Variants in PHF2 observed in about 807,000 individuals in gnomAD.
PHF2 encodes the protein lysine-specific demethylase PHF2.
A neutral mutation model predicts 120.5 loss-of-function variants in PHF2; 27 were observed. The ratio of observed to expected loss-of-function variants is 0.22; its 90% CI spans 0.17 to 0.31. The LOEUF (loss-of-function observed/expected upper bound fraction) is 0.31, where lower values mean the gene tolerates loss of function less well. Among genes scored for constraint, PHF2 ranks in the 10% least tolerant of loss-of-function variants. The pLI, the probability that PHF2 is intolerant of heterozygous loss-of-function variation, is 1.00. For missense variants in PHF2, 1,024 were observed against 1,434.8 expected (o/e 0.71, Z 4.63); for synonymous variants, 568 against 592.5 (o/e 0.96, Z 0.60).
intron 1 of PHF2, among the ~76,000 whole-genome samples, chr9:93,617,223 A>G (rs9409478): frequency 0.9 from 137,519 of 152,218 alleles, 62,187 homozygotes; most frequent in East Asian, 1. Flanking sequence ...AAGTCCTCAT[A>G]GGAGGCTGCA....
At chr9:93,579,630 A>G (rs955307694) in intron 1 of PHF2, among the ~76,000 whole-genome samples, 4 of 152,252 alleles carry the variant, frequency 2.6e-5, no homozygotes, top group Non-Finnish European at 2.9e-5. Flanking sequence ...CCTGAAATAA[A>G]ACATTACTGT....
At chr9:93,668,536 G>A (rs1826723988) in intron 17 of PHF2, among the ~76,000 whole-genome samples, 1 of 152,172 alleles carries the variant, frequency 6.6e-6, no homozygotes, top group Non-Finnish European at 1.5e-5. Context: ...CACCCAAGAT[G>A]AGGGCAGACA....
chr9:93,578,108 A>G (rs1365781523), intron 1 of PHF2, among the ~76,000 whole-genome samples: 1 of 152,202 alleles, frequency 6.6e-6, no homozygotes, highest in Non-Finnish European at 1.5e-5. Context: ...CTGTGGCCCC[A>G]AGTCCAGTCC....
intron 1 of PHF2, among the ~76,000 whole-genome samples, chr9:93,616,554 C>T (rs1825732322): frequency 6.6e-6 from 1 of 152,158 alleles, no homozygotes; most frequent in African/African-American, 2.4e-5. Context: ...CCAGATGCTG[C>T]AGAGGGCGGC....
At chr9:93,675,607 G>A in intron 19 of PHF2, 73 bp from the exon 20 acceptor site, 2 of 1,198,842 alleles carry the variant, frequency 1.7e-6, no homozygotes, top group Non-Finnish European at 2.4e-6. Context: ...GTGGGGGCAG[G>A]GTAGCCCCAA....
chr9:93,614,860 GTGA>G (rs776154760), intron 1 of PHF2, among the ~76,000 whole-genome samples: 27 of 85,304 alleles, frequency 3.2e-4, no homozygotes, highest in African/African-American at 4.1e-4. Context: ...AATGATGATG[GTGA>G]TGATGGTGAC....
chr9:93,615,712 C>G (rs531177020), intron 1 of PHF2, among the ~76,000 whole-genome samples: 17 of 152,306 alleles, frequency 1.1e-4, no homozygotes, highest in Admixed American at 1.1e-3. Flanking sequence ...CTGTTAGCTC[C>G]TTGACACTTG....
chr9:93,624,361 GTGATGGTGATGAAAA>G (rs1825872068), intron 1 of PHF2, among the ~76,000 whole-genome samples: 1 of 151,952 alleles, frequency 6.6e-6, no homozygotes, highest in African/African-American at 2.4e-5. Context: ...AGCATTGTTG[GTGATGGTGATGAAAA>G]TGATGGTGAT....
chr9:93,605,515 G>A (rs557187179), intron 1 of PHF2, among the ~76,000 whole-genome samples: 14 of 152,260 alleles, frequency 9.2e-5, no homozygotes, highest in African/African-American at 3.1e-4. Context: ...ATCCCTCCCA[G>A]TACCCCCAAA....
chr9:93,644,999 C>T (rs1826230652), intron 3 of PHF2, among the ~76,000 whole-genome samples: 1 of 152,190 alleles, frequency 6.6e-6, no homozygotes, highest in Non-Finnish European at 1.5e-5. Context: ...TTCATCCTTG[C>T]CAGCCAGGGG....
Position 93,650,738 on chromosome 9 carries a change from G to A in PHF2, c.602+1526G>A, listed in dbSNP as rs114182087. On this transcript the variant is annotated intron_variant, in intron 5 of 21. Transcript: ENST00000359246. ...TGCCCTGGATCCACCCCTCACCCCC[G>A]CTCCATCACATCACCTCTGCCCTCC... Among the ~76,000 whole-genome samples, 287 of 152,170 alleles carry A rather than the reference G, an allele frequency of 1.9e-3. 3 individuals carry two copies. The highest frequency in any genetic ancestry group is 6.5e-3 in the African/African-American group (271 of 41,510).
intron 1 of PHF2, among the ~76,000 whole-genome samples, chr9:93,601,934 G>T (rs1825445661): frequency 6.6e-6 from 1 of 151,906 alleles, no homozygotes; most frequent in Non-Finnish European, 1.5e-5. Flanking sequence ...GGGAGTGCGG[G>T]GGTGGTAGGG....
chr9:93,653,538 G>C (rs545572917), intron 6 of PHF2, among the ~76,000 whole-genome samples, 173 bp downstream of exon 6: 24 of 152,380 alleles, frequency 1.6e-4, no homozygotes, highest in African/African-American at 5.5e-4. Flanking sequence ...TGGAGGGGCA[G>C]GGGTGCATGT....
At chr9:93,578,864 A>G (rs1412807883) in intron 1 of PHF2, among the ~76,000 whole-genome samples, 1 of 152,144 alleles carries the variant, frequency 6.6e-6, no homozygotes, top group Admixed American at 6.5e-5. Flanking sequence ...GATTGAATCC[A>G]ATACAGGCAG....
intron 9 of PHF2, 119 bp from the exon 10 acceptor site, chr9:93,658,026 G>C (rs1826490662): frequency 1.5e-6 from 1 of 664,454 alleles, no homozygotes; most frequent in East Asian, 2.7e-5. Context: ...GTGGCCATGG[G>C]CGGAGGGAGA....
chr9:93,655,508 T>A (rs888206103), intron 7 of PHF2, among the ~76,000 whole-genome samples: 1 of 152,204 alleles, frequency 6.6e-6, no homozygotes. Flanking sequence ...CCCAGCCTTG[T>A]CTCCTGCTCC....
chr9:93,631,108 G>A (rs1207682736), intron 2 of PHF2, among the ~76,000 whole-genome samples: 4 of 152,198 alleles, frequency 2.6e-5, no homozygotes, highest in African/African-American at 9.7e-5. Context: ...GAGGGAGGAT[G>A]CGGGCAATAG....
intron 3 of PHF2, among the ~76,000 whole-genome samples, chr9:93,644,590 C>T (rs1826223809): frequency 4.6e-5 from 7 of 152,098 alleles, no homozygotes; most frequent in Admixed American, 4.6e-4. Context: ...TGCTCTTTCC[C>T]CTGTTCCCTG....
Position 93,649,052 on chromosome 9 carries a change from C to T in PHF2, c.461-19C>T, listed in dbSNP as rs1008914354. 2.2e-5 allele frequency: 34 copies of T among 1,550,340 alleles called. No homozygotes were observed. The highest frequency in any genetic ancestry group is 3.0e-5 in the Non-Finnish European group (34 of 1,146,654). ...GCCGCCTTCCCAGGGTGCTCAAGCT[C>T]CTCCCACCACCTCCCTAGGGCCGGA... On this transcript the variant is annotated intron_variant, in intron 4 of 21. Coordinates refer to ENST00000359246, the MANE Select transcript of PHF2 (RefSeq NM_005392.4).
Sources: allele counts gnomAD v4.1 joint callset (sites outside exome capture counted in the v4.1 genomes callset), GRCh38; gene constraint gnomAD v4.1.1; transcripts MANE v1.5; gene names NCBI Gene and HGNC (gene_info 2026-07-23, HGNC 2026-07-21).